AKT3: variants seen among roughly 807,000 people sequenced by gnomAD.
AKT3 encodes the protein RAC-gamma serine/threonine-protein kinase.
In AKT3, 15 loss-of-function variants were observed where a neutral mutation model predicts 65.3. The observed-to-expected ratio is 0.23, with a 90% CI of 0.15 to 0.35. AKT3 has a LOEUF of 0.35. Among genes scored for constraint, AKT3 ranks in the 10% least tolerant of loss-of-function variants. AKT3 has a pLI of 1.00. For synonymous variants in AKT3, 206 were observed against 183.8 expected, an observed-to-expected ratio of 1.12 and a Z score of -0.98; for missense variants, 243 against 576.5, an observed-to-expected ratio of 0.42 and a Z score of 5.92.
At chr1:243,525,421 G>A (rs1670979111) in intron 12 of AKT3, among the ~76,000 whole-genome samples, 1 of 151,770 alleles carries the variant, frequency 6.6e-6, no homozygotes, top group Non-Finnish European at 1.5e-5. Context: ...AAAGGAAACT[G>A]ATGCTCTGAT....
intron 3 of AKT3, among the ~76,000 whole-genome samples, chr1:243,675,118 C>G (rs552933491): frequency 3.8e-4 from 58 of 152,322 alleles, no homozygotes; most frequent in Admixed American, 3.1e-3. Context: ...TTTCTACTCA[C>G]GTATCTTCAA....
intron 6 of AKT3, among the ~76,000 whole-genome samples, chr1:243,625,956 TC>T (rs1335011886): frequency 6.6e-6 from 1 of 152,190 alleles, no homozygotes; most frequent in Non-Finnish European, 1.5e-5. Context: ...AGGGAAATGG[TC>T]CTTCCCCTCC....
intron 5 of AKT3, among the ~76,000 whole-genome samples, chr1:243,640,089 G>C (rs1680259648): frequency 6.6e-6 from 1 of 152,118 alleles, no homozygotes; most frequent in African/African-American, 2.4e-5. Flanking sequence ...AAATTAAAGT[G>C]TCTTACATTC....
chr1:243,751,375 A>G (rs986304841), intron 2 of AKT3, among the ~76,000 whole-genome samples: 1 of 152,242 alleles, frequency 6.6e-6, no homozygotes, highest in Admixed American at 6.5e-5. Context: ...TTGGATTTAG[A>G]TTTACGTATC....
At chr1:243,712,836 A>G (rs533928721) in intron 2 of AKT3, among the ~76,000 whole-genome samples, 68 of 152,208 alleles carry the variant, frequency 4.5e-4, no homozygotes, top group Non-Finnish European at 8.7e-4. Flanking sequence ...CATTCCAGAT[A>G]TATCAAATCT....
At chr1:243,806,201 G>C (rs1431011302) in intron 2 of AKT3, among the ~76,000 whole-genome samples, 1 of 152,130 alleles carries the variant, frequency 6.6e-6, no homozygotes, top group Non-Finnish European at 1.5e-5. Flanking sequence ...ATGGCACTAA[G>C]TAGATACCTT....
chr1:243,803,196 G>A (rs549268595), intron 2 of AKT3, among the ~76,000 whole-genome samples: 2 of 152,122 alleles, frequency 1.3e-5, no homozygotes, highest in African/African-American at 4.8e-5. Flanking sequence ...CACCTATTAT[G>A]AGCCTAGCAC....
chr1:243,653,526 T>C (rs1210904929), intron 4 of AKT3, among the ~76,000 whole-genome samples: 1 of 152,220 alleles, frequency 6.6e-6, no homozygotes, highest in Non-Finnish European at 1.5e-5. Flanking sequence ...TAAGAATATG[T>C]TCCATCCTGA....
chr1:243,780,730 C>T (rs1216592358), intron 2 of AKT3, among the ~76,000 whole-genome samples: 1 of 151,754 alleles, frequency 6.6e-6, no homozygotes, highest in African/African-American at 2.4e-5. Context: ...TGTAATTGTT[C>T]TAACTTTTAT....
At chr1:243,516,693 G>A (rs902627016) in intron 12 of AKT3, among the ~76,000 whole-genome samples, 61 of 151,534 alleles carry the variant, frequency 4.0e-4, no homozygotes, top group African/African-American at 1.5e-3. Flanking sequence ...CAATCCTCCT[G>A]CCTCAGCCTC....
At chr1:243,585,096 T>C (rs1012323937) in intron 8 of AKT3, among the ~76,000 whole-genome samples, 1 of 152,078 alleles carries the variant, frequency 6.6e-6, no homozygotes, top group Non-Finnish European at 1.5e-5. Context: ...AGCATTTCTA[T>C]ATACTGATAA....
At chr1:243,584,522 C>A (rs1675647975) in intron 8 of AKT3, among the ~76,000 whole-genome samples, 1 of 152,082 alleles carries the variant, frequency 6.6e-6, no homozygotes, top group Admixed American at 6.6e-5. Context: ...CTGATGAACA[C>A]AGGTGCAAAA....
chr1:243,727,941 C>G (rs989481400), intron 2 of AKT3, among the ~76,000 whole-genome samples: 2 of 152,172 alleles, frequency 1.3e-5, no homozygotes, highest in Admixed American at 6.5e-5. Flanking sequence ...AAGCAGCACT[C>G]AGCTACATCT....
At chr1:243,728,108 G>A (rs907922444) in intron 2 of AKT3, among the ~76,000 whole-genome samples, 3 of 152,138 alleles carry the variant, frequency 2.0e-5, no homozygotes, top group Non-Finnish European at 4.4e-5. Context: ...GACTATTCAG[G>A]GAGAGCCTCA....
At chr1:243,619,173 G>A (rs1401091873) in intron 6 of AKT3, among the ~76,000 whole-genome samples, 2 of 152,038 alleles carry the variant, frequency 1.3e-5, no homozygotes, top group Non-Finnish European at 2.9e-5. Context: ...AGGAAGACAC[G>A]AATCAGGTGG....
At chr1:243,660,123 G>C (rs530513787) in intron 4 of AKT3, among the ~76,000 whole-genome samples, 1 of 151,778 alleles carries the variant, frequency 6.6e-6, no homozygotes, top group Admixed American at 6.6e-5. Context: ...ACTCTTTTTC[G>C]TTGGTAAGCT....
At chr1:243,713,595 T>A (rs1686292138) in intron 2 of AKT3, among the ~76,000 whole-genome samples, 1 of 151,954 alleles carries the variant, frequency 6.6e-6, no homozygotes, top group Admixed American at 6.6e-5. Flanking sequence ...TCTCCCTATC[T>A]GGCAGATGGC....
chr1:243,545,845 A>G (rs1170333367), intron 11 of AKT3, among the ~76,000 whole-genome samples: 1 of 152,208 alleles, frequency 6.6e-6, no homozygotes, highest in Non-Finnish European at 1.5e-5. Context: ...AGAGGCAATC[A>G]TGTCTGGCAC....
At chr1:243,820,324 G>A (rs1693782725) in intron 2 of AKT3, among the ~76,000 whole-genome samples, 1 of 152,130 alleles carries the variant, frequency 6.6e-6, no homozygotes, top group Non-Finnish European at 1.5e-5. Flanking sequence ...GATCGAAGCT[G>A]GATAAACCCA....
Sources: gnomAD v4.1 joint callset for allele counts (sites outside exome capture counted in the v4.1 genomes callset) on GRCh38, gnomAD v4.1.1 for gene constraint, MANE v1.5 for transcripts, NCBI Gene and HGNC (gene_info 2026-07-23, HGNC 2026-07-21) for gene names.